The following TCF4 variants were observed in gnomAD, a reference collection of about 807,000 sequenced individuals.
The protein encoded by TCF4 is transcription factor 4.
In TCF4, 3 loss-of-function variants were observed where a neutral mutation model predicts 82.1. The ratio of observed to expected loss-of-function variants is 0.04; its 90% CI spans 0.02 to 0.09. The LOEUF (loss-of-function observed/expected upper bound fraction) is 0.09. Among genes scored for constraint, TCF4 ranks in the 10% least tolerant of loss-of-function variants. The probability of loss-of-function intolerance (pLI) is 1.00; values close to 1 mark genes in which losing one functional copy is unlikely to be tolerated. For synonymous variants in TCF4, 276 were observed against 309.6 expected, an observed-to-expected ratio of 0.89 and a Z score of 1.14; for missense variants, 518 against 852.7, an observed-to-expected ratio of 0.61 and a Z score of 4.89.
At position 55,222,229 on chromosome 18, in the gene TCF4, T is replaced by G. The variant is rs2045970186; in HGVS notation, c.*5806A>C. On this transcript the variant is annotated 3_prime_UTR_variant, in exon 20 of 20. Transcript: ENST00000354452. ...AATGTGGTCCTCTAAAAGAGAACAA[T>G]GTTAATAGACACTACACAAGATACT... The G allele has an allele frequency of 6.6e-6, 1 of 152,212 alleles. No individual in the cohort carries two copies. The highest frequency in any genetic ancestry group is 2.4e-5 in the African/African-American group (1 of 41,448). The allele number at this position is 152,212 out of a possible 1,614,324, so 9.4% of individuals were successfully genotyped here.
chr18:55,602,338 G>T (rs552157748), intron 2 of TCF4, among the ~76,000 whole-genome samples: 3 of 152,302 alleles, frequency 2.0e-5, no homozygotes, highest in African/African-American at 7.2e-5. Flanking sequence ...CAACTCTCCT[G>T]CCCTTGGCTA....
intron 8 of TCF4, among the ~76,000 whole-genome samples, chr18:55,296,726 G>C (rs985561307): frequency 1.3e-5 from 2 of 152,170 alleles, no homozygotes; most frequent in African/African-American, 4.8e-5. Context: ...GGTCTGAGGT[G>C]AACAAACCAG....
chr18:55,272,724 A>G (rs755287011), intron 10 of TCF4, among the ~76,000 whole-genome samples: 4 of 152,042 alleles, frequency 2.6e-5, no homozygotes, highest in Non-Finnish European at 5.9e-5. Context: ...TCTCCCATAC[A>G]TGACGTCATG....
At chr18:55,570,158 T>C (rs1393517124) in intron 3 of TCF4, among the ~76,000 whole-genome samples, 1 of 152,184 alleles carries the variant, frequency 6.6e-6, no homozygotes, top group African/African-American at 2.4e-5. Context: ...GGAGAAAGGA[T>C]GGACTTTTCA....
intron 15 of TCF4, among the ~76,000 whole-genome samples, chr18:55,253,912 A>C (rs1002024126): frequency 1.4e-4 from 21 of 152,178 alleles, no homozygotes; most frequent in African/African-American, 5.1e-4. Flanking sequence ...ATTCATCCTC[A>C]AGGGAAACAT....
chr18:55,573,639 A>G (rs577385949), intron 3 of TCF4, among the ~76,000 whole-genome samples: 7 of 152,040 alleles, frequency 4.6e-5, no homozygotes, highest in Non-Finnish European at 1.0e-4. Flanking sequence ...ACCTCCATCC[A>G]CTTAACTCCT....
intron 3 of TCF4, among the ~76,000 whole-genome samples, chr18:55,565,775 A>G (rs1048041924): frequency 6.6e-6 from 1 of 152,194 alleles, no homozygotes; most frequent in East Asian, 1.9e-4. Flanking sequence ...AAGCCAAAAA[A>G]AAAACCAGAA....
At chr18:55,471,994 GCAGA>G (rs1430034170) in intron 3 of TCF4, among the ~76,000 whole-genome samples, 4 of 152,120 alleles carry the variant, frequency 2.6e-5, no homozygotes, top group Non-Finnish European at 4.4e-5. Context: ...AAAAGTGTTC[GCAGA>G]CAATTACTGC....
chr18:55,426,370 C>T (rs1445254169), intron 5 of TCF4, among the ~76,000 whole-genome samples: 1 of 152,088 alleles, frequency 6.6e-6, no homozygotes, highest in Non-Finnish European at 1.5e-5. Context: ...GCATCATCTA[C>T]TTCTTTGGGG....
intron 15 of TCF4, among the ~76,000 whole-genome samples, chr18:55,241,695 C>T (rs1418334596): frequency 6.6e-6 from 1 of 152,170 alleles, no homozygotes. Context: ...AAATGCTTTT[C>T]TTGTTATTCA....
chr18:55,425,597 T>C (rs1303257276), intron 5 of TCF4, among the ~76,000 whole-genome samples: 2 of 152,084 alleles, frequency 1.3e-5, no homozygotes, highest in African/African-American at 4.8e-5. Context: ...TGAGTATATC[T>C]TTTCCTCAAG....
chr18:55,350,215 G>T, intron 8 of TCF4, 144 bp downstream of exon 8: 1 of 805,864 alleles, frequency 1.2e-6, no homozygotes, highest in Non-Finnish European at 2.1e-6. Context: ...GTGGCTGGAT[G>T]TGCAGGTCAT....
chr18:55,273,795 C>CT (rs2060894243), intron 10 of TCF4, among the ~76,000 whole-genome samples: 1 of 152,096 alleles, frequency 6.6e-6, no homozygotes, highest in East Asian at 1.9e-4. Context: ...CTCTCTAGTT[C>CT]ATAATATTGT....
At chr18:55,604,775 G>C (rs1445055784) in intron 2 of TCF4, among the ~76,000 whole-genome samples, 1 of 152,158 alleles carries the variant, frequency 6.6e-6, no homozygotes, top group Non-Finnish European at 1.5e-5. Context: ...AAGAAGGTTG[G>C]TGGTCATTGG....
At chr18:55,322,511 C>T (rs1306874355) in intron 8 of TCF4, 29 of 979,946 alleles carry the variant, frequency 3.0e-5, no homozygotes, top group Non-Finnish European at 3.4e-5. Flanking sequence ...ACTGCTTGGT[C>T]AACAACCTAC....
Position 55,373,862 on chromosome 18 carries a change from C to T in TCF4, c.370-22859G>A, listed in dbSNP as rs538006925. ...ATAGGGAAATAGTATTCATTATTTT[C>T]AAATGCATATGAAATGCTTAAAAAA... On this transcript the variant is annotated intron_variant, in intron 6 of 19. Coordinates refer to ENST00000354452, the MANE Select transcript of TCF4 (RefSeq NM_001083962.2). 1.1e-4 allele frequency among the ~76,000 whole-genome samples: 16 copies of T among 151,854 alleles called. No homozygotes were observed. The South Asian group carries it at 2.7e-3, about 26-fold the overall frequency.
chr18:55,354,393 C>G (rs761098625), intron 6 of TCF4, among the ~76,000 whole-genome samples: 1 of 152,136 alleles, frequency 6.6e-6, no homozygotes. Context: ...GAATGTCTTT[C>G]GAACACATTC....
chr18:55,228,476 A>G (rs2046971849), intron 18 of TCF4, 115 bp from the exon 19 acceptor site: 1 of 1,431,432 alleles, frequency 7.0e-7, no homozygotes, highest in African/African-American at 1.4e-5. Flanking sequence ...TTACAGAACA[A>G]AAGGAACAGT....
At chr18:55,594,619 G>T (rs1267136404) in intron 2 of TCF4, among the ~76,000 whole-genome samples, 1 of 152,134 alleles carries the variant, frequency 6.6e-6, no homozygotes, top group East Asian at 1.9e-4. Context: ...TGGTGAGTTT[G>T]ATTTCCAGCA....
Sources: gnomAD v4.1 joint callset for allele counts (sites outside exome capture counted in the v4.1 genomes callset) on GRCh38, gnomAD v4.1.1 for gene constraint, MANE v1.5 for transcripts, NCBI Gene and HGNC (gene_info 2026-07-23, HGNC 2026-07-21) for gene names.